PLPPR4: variants seen among roughly 807,000 people sequenced by gnomAD.
PLPPR4 encodes phospholipid phosphatase-related protein type 4.
Under a neutral mutation model 56.6 loss-of-function variants are expected in PLPPR4, and 24 were observed. That is an observed-to-expected ratio of 0.42 (90% CI 0.31 to 0.60). The LOEUF (loss-of-function observed/expected upper bound fraction) is 0.60, where lower values mean the gene tolerates loss of function less well. Among genes scored for constraint, PLPPR4 ranks in the 20% least tolerant of loss-of-function variants. The pLI, the probability that PLPPR4 is intolerant of heterozygous loss-of-function variation, is 0.13. For missense variants in PLPPR4, 654 were observed against 885.8 expected (o/e 0.74, Z 3.32); for synonymous variants, 326 against 328.1 (o/e 0.99, Z 0.07).
intron 2 of PLPPR4, among the ~76,000 whole-genome samples, chr1:99,290,019 G>A (rs1036132144): frequency 1.3e-5 from 2 of 152,058 alleles, no homozygotes; most frequent in African/African-American, 4.8e-5. Flanking sequence ...TCACCAGATG[G>A]CATGATCCAA....
In PLPPR4 at chr1:99,299,063, A is replaced by G. The variant is rs1392601008; in HGVS notation, c.423A>G (p.Thr141=). ...TTCATGTATTTGGATTATGCTCTAC[A>G]GCTCTCATTACAGATATCATACAGC... ...VGVHVFGLCS[T]ALITDIIQLS... is the part of the protein sequence containing the mutation. Residue 141 remains threonine (T), a synonymous_variant, in exon 4 of 7, where the codon ACA becomes ACG. Coordinates refer to ENST00000370185, the MANE Select transcript of PLPPR4 (RefSeq NM_014839.5). 1.2e-6 allele frequency: 2 copies of G among 1,613,606 alleles called. No homozygotes were observed. Among genetic ancestry groups the G allele is most frequent in the East Asian group, 2.2e-5 (1 of 44,834 alleles).
chr1:99,264,201 C>T (rs1658830115), upstream of PLPPR4: 3 of 529,244 alleles, frequency 5.7e-6, no homozygotes, highest in Admixed American at 3.7e-5. Flanking sequence ...ACCAGGAGTG[C>T]GTCCTCCTTT....
At chr1:99,283,939 G>C (rs1271263763) in intron 1 of PLPPR4, among the ~76,000 whole-genome samples, 1 of 152,128 alleles carries the variant, frequency 6.6e-6, no homozygotes, top group Non-Finnish European at 1.5e-5. Flanking sequence ...GCGACAGAGC[G>C]AGACTCTGTC....
chr1:99,283,367 C>T (rs1659378845), intron 1 of PLPPR4, among the ~76,000 whole-genome samples: 1 of 152,130 alleles, frequency 6.6e-6, no homozygotes, highest in Non-Finnish European at 1.5e-5. Flanking sequence ...AACAAGTAAG[C>T]TGTCTGATCT....
intron 1 of PLPPR4, among the ~76,000 whole-genome samples, chr1:99,274,977 G>A (rs1168868610): frequency 6.6e-6 from 1 of 152,108 alleles, no homozygotes; most frequent in African/African-American, 2.4e-5. Flanking sequence ...TTGGGAATGA[G>A]TCATCTCATT....
At chr1:99,293,769 A>G (rs529000559) in intron 2 of PLPPR4, among the ~76,000 whole-genome samples, 5 of 152,206 alleles carry the variant, frequency 3.3e-5, no homozygotes, top group African/African-American at 9.6e-5. Context: ...TACTATAATA[A>G]TTTTTGTTGT....
intron 1 of PLPPR4, among the ~76,000 whole-genome samples, chr1:99,285,508 C>T (rs1428311264): frequency 6.6e-6 from 1 of 151,970 alleles, no homozygotes; most frequent in Non-Finnish European, 1.5e-5. Flanking sequence ...TTGAAGTGAT[C>T]GAATAATAGC....
At chr1:99,295,063 T>G (rs1659710194) in intron 2 of PLPPR4, among the ~76,000 whole-genome samples, 1 of 152,246 alleles carries the variant, frequency 6.6e-6, no homozygotes, top group Admixed American at 6.5e-5. Context: ...TTTCTATGTC[T>G]AACTTGAAGT....
intron 2 of PLPPR4, among the ~76,000 whole-genome samples, chr1:99,291,106 A>C (rs1275695314): frequency 6.6e-6 from 1 of 151,560 alleles, no homozygotes; most frequent in African/African-American, 2.4e-5. Context: ...AAAAAAAAAA[A>C]CAATTAAAAA....
chr1:99,284,798 A>G (rs1399169755), intron 1 of PLPPR4, among the ~76,000 whole-genome samples: 2 of 152,172 alleles, frequency 1.3e-5, no homozygotes, highest in Non-Finnish European at 2.9e-5. Context: ...ATATATGTAT[A>G]TATAGAGATA....
intron 2 of PLPPR4, among the ~76,000 whole-genome samples, chr1:99,293,515 T>C (rs991480002): frequency 2.0e-5 from 3 of 152,138 alleles, no homozygotes; most frequent in African/African-American, 7.2e-5. Flanking sequence ...TCACAAATCT[T>C]CATGAAGTCT....
chr1:99,291,566 A>G (rs1659620758), intron 2 of PLPPR4, among the ~76,000 whole-genome samples: 1 of 152,260 alleles, frequency 6.6e-6, no homozygotes, highest in Non-Finnish European at 1.5e-5. Flanking sequence ...AAAATGTGGT[A>G]CATATACACC....
At chr1:99,278,324 A>G (rs746991586) in intron 1 of PLPPR4, among the ~76,000 whole-genome samples, 118 of 152,172 alleles carry the variant, frequency 7.8e-4, no homozygotes, top group Non-Finnish European at 1.3e-3. Flanking sequence ...CAGTTTCCTC[A>G]TCTGTAAGAT....
chr1:99,304,919 C>A (rs918995522), intron 6 of PLPPR4, among the ~76,000 whole-genome samples: 1 of 152,062 alleles, frequency 6.6e-6, no homozygotes, highest in Non-Finnish European at 1.5e-5. Flanking sequence ...TGAACTTTAG[C>A]CTTTTTCCAA....
At chr1:99,294,365 C>A (rs1332781215) in intron 2 of PLPPR4, among the ~76,000 whole-genome samples, 1 of 152,126 alleles carries the variant, frequency 6.6e-6, no homozygotes, top group Non-Finnish European at 1.5e-5. Flanking sequence ...GATGCATTTT[C>A]TTTGCATATG....
At chr1:99,297,578 C>T (rs560722252) in intron 3 of PLPPR4, among the ~76,000 whole-genome samples, 22 of 151,992 alleles carry the variant, frequency 1.4e-4, no homozygotes, top group South Asian at 8.3e-4. Flanking sequence ...CCAATAAGTC[C>T]GCATAAAGTT....
chr1:99,273,843 G>T (rs1659116972), intron 1 of PLPPR4, among the ~76,000 whole-genome samples: 1 of 152,050 alleles, frequency 6.6e-6, no homozygotes, highest in Non-Finnish European at 1.5e-5. Flanking sequence ...ATCAGCTGGT[G>T]GAGACATTTT....
intron 6 of PLPPR4, among the ~76,000 whole-genome samples, chr1:99,304,984 C>T (rs911527640): frequency 1.3e-5 from 2 of 152,054 alleles, no homozygotes; most frequent in African/African-American, 4.8e-5. Context: ...TGTATGAAGA[C>T]AAAATTAAAT....
At chr1:99,276,952 T>C (rs1230195237) in intron 1 of PLPPR4, among the ~76,000 whole-genome samples, 1 of 152,216 alleles carries the variant, frequency 6.6e-6, no homozygotes, top group Non-Finnish European at 1.5e-5. Flanking sequence ...ATTGTTATGA[T>C]GGAGAAGGAT....
Sources: allele counts gnomAD v4.1 joint callset (sites outside exome capture counted in the v4.1 genomes callset), GRCh38; gene constraint gnomAD v4.1.1; transcripts MANE v1.5; gene names NCBI Gene and HGNC (gene_info 2026-07-23, HGNC 2026-07-21).